NDUFAF2: variants seen among roughly 807,000 people sequenced by gnomAD.
The protein encoded by NDUFAF2 is NADH dehydrogenase [ubiquinone] 1 alpha subcomplex assembly factor 2.
A neutral mutation model predicts 22.8 loss-of-function variants in NDUFAF2; 13 were observed. That is an observed-to-expected ratio of 0.57 (90% CI 0.37 to 0.91). The LOEUF is 0.91. Ranked by LOEUF, NDUFAF2 falls within the 40% of genes least tolerant of loss-of-function variation. NDUFAF2 has a pLI of 0.01. For synonymous variants in NDUFAF2, 53 were observed against 64.2 expected, an observed-to-expected ratio of 0.83 and a Z score of 0.84; for missense variants, 162 against 195.2, an observed-to-expected ratio of 0.83 and a Z score of 1.01.
chr5:61,031,047 G>A (rs949224243), intron 1 of NDUFAF2, among the ~76,000 whole-genome samples: 2 of 151,876 alleles, frequency 1.3e-5, no homozygotes, highest in Non-Finnish European at 2.9e-5. Context: ...TTTAAACTTA[G>A]TTTTATATAG....
intron 2 of NDUFAF2, among the ~76,000 whole-genome samples, chr5:61,091,544 T>C (rs375259591): frequency 2.6e-5 from 4 of 152,324 alleles, no homozygotes; most frequent in African/African-American, 9.6e-5. Context: ...TAAATTTGTT[T>C]AAGTTTCTTA....
chr5:61,007,571 T>G (rs981391783), intron 1 of NDUFAF2, among the ~76,000 whole-genome samples: 2 of 152,162 alleles, frequency 1.3e-5, no homozygotes, highest in African/African-American at 4.8e-5. Flanking sequence ...TCACTGGCTA[T>G]CAGAGAAATG....
chr5:61,066,151 G>C (rs1414346826), intron 1 of NDUFAF2, among the ~76,000 whole-genome samples: 1 of 151,842 alleles, frequency 6.6e-6, no homozygotes, highest in Non-Finnish European at 1.5e-5. Flanking sequence ...ATTTAAGCAA[G>C]GAGATGAAAA....
chr5:61,051,063 G>C (rs1752018647), intron 1 of NDUFAF2, among the ~76,000 whole-genome samples: 1 of 152,208 alleles, frequency 6.6e-6, no homozygotes, highest in Admixed American at 6.5e-5. Flanking sequence ...ACGCAGAAAA[G>C]ATGACATATG....
At chr5:60,984,401 C>T (rs958151070) in intron 1 of NDUFAF2, among the ~76,000 whole-genome samples, 2 of 152,072 alleles carry the variant, frequency 1.3e-5, no homozygotes, top group Admixed American at 6.6e-5. Flanking sequence ...CCTTCTCCTG[C>T]CTGATTGCCC....
intron 1 of NDUFAF2, among the ~76,000 whole-genome samples, chr5:61,044,621 A>G (rs958765692): frequency 1.3e-5 from 2 of 152,204 alleles, no homozygotes; most frequent in Non-Finnish European, 2.9e-5. Context: ...TCTTTGTGGA[A>G]AAGCAGTTGA....
At chr5:61,040,866 A>G (rs1751872748) in intron 1 of NDUFAF2, among the ~76,000 whole-genome samples, 1 of 152,290 alleles carries the variant, frequency 6.6e-6, no homozygotes, top group East Asian at 1.9e-4. Flanking sequence ...AAGTAGGATA[A>G]CTGTTGTTAT....
At chr5:61,151,740 G>A (rs1413641028) in intron 3 of NDUFAF2, among the ~76,000 whole-genome samples, 1 of 149,926 alleles carries the variant, frequency 6.7e-6, no homozygotes, top group African/African-American at 2.5e-5. Context: ...GTTGCGGTAA[G>A]CCGAGATCAC....
intron 2 of NDUFAF2, among the ~76,000 whole-genome samples, chr5:61,085,498 A>C (rs1485412011): frequency 6.6e-6 from 1 of 152,186 alleles, no homozygotes; most frequent in African/African-American, 2.4e-5. Context: ...CAAGACAAGG[A>C]TATCTTCTTT....
intron 3 of NDUFAF2, among the ~76,000 whole-genome samples, chr5:61,148,053 G>A (rs918500864): frequency 2.0e-5 from 3 of 152,194 alleles, no homozygotes; most frequent in Non-Finnish European, 4.4e-5. Flanking sequence ...GAACACTCAA[G>A]TGGGTTACTA....
At chr5:61,035,888 A>T (rs1182145923) in intron 1 of NDUFAF2, among the ~76,000 whole-genome samples, 3 of 152,214 alleles carry the variant, frequency 2.0e-5, no homozygotes, top group Non-Finnish European at 2.9e-5. Context: ...ATAGCTAAAG[A>T]GAAGTTAAAA....
chr5:60,993,696 A>C (rs329618), intron 1 of NDUFAF2, among the ~76,000 whole-genome samples: 21,288 of 151,772 alleles, frequency 0.14, 1,910 homozygotes, highest in Admixed American at 0.22. Context: ...CCTGGAATGG[A>C]TAGCTCCTCT....
At chr5:61,148,087 G>A (rs1741168021) in intron 3 of NDUFAF2, among the ~76,000 whole-genome samples, 1 of 152,148 alleles carries the variant, frequency 6.6e-6, no homozygotes, top group Non-Finnish European at 1.5e-5. Context: ...AACTTACTCT[G>A]TGTATTCTGG....
At chr5:61,031,532 ATTCCATGGTATACTGCATAG>A (rs1404846863) in intron 1 of NDUFAF2, among the ~76,000 whole-genome samples, 2 of 151,922 alleles carry the variant, frequency 1.3e-5, no homozygotes, top group Non-Finnish European at 2.9e-5. Context: ...ACTGCATAGT[ATTCCATGGTATACTGCATAG>A]TATTCCATGG....
chr5:61,145,503 C>G (rs1469112582), intron 3 of NDUFAF2, among the ~76,000 whole-genome samples: 3 of 152,128 alleles, frequency 2.0e-5, no homozygotes, highest in African/African-American at 7.2e-5. Flanking sequence ...CTCCAAAATC[C>G]AAAACTTTTT....
intron 3 of NDUFAF2, among the ~76,000 whole-genome samples, chr5:61,134,719 T>TC (rs1016476132): frequency 1.1e-4 from 16 of 149,518 alleles, no homozygotes; most frequent in Admixed American, 2.7e-4. Flanking sequence ...AGAAATTAAT[T>TC]CCCCCCCCAA....
intron 1 of NDUFAF2, among the ~76,000 whole-genome samples, chr5:61,000,905 A>G (rs1339860856): frequency 6.6e-6 from 1 of 152,198 alleles, no homozygotes; most frequent in African/African-American, 2.4e-5. Flanking sequence ...GTATATGCCT[A>G]GAAACCATAG....
chr5:60,967,670 T>G (rs892053051), intron 1 of NDUFAF2, among the ~76,000 whole-genome samples: 1 of 151,888 alleles, frequency 6.6e-6, no homozygotes, highest in Non-Finnish European at 1.5e-5. Context: ...GGCAAACCAT[T>G]CTTGCTTTCC....
chr5:60,997,415 G>C (rs1187641803), intron 1 of NDUFAF2, among the ~76,000 whole-genome samples: 2 of 152,126 alleles, frequency 1.3e-5, no homozygotes, highest in Non-Finnish European at 2.9e-5. Context: ...CTAGAAGAAA[G>C]GAAAATGAGT....
Sources: allele counts gnomAD v4.1 joint callset (sites outside exome capture counted in the v4.1 genomes callset), GRCh38; gene constraint gnomAD v4.1.1; transcripts MANE v1.5; gene names NCBI Gene and HGNC (gene_info 2026-07-23, HGNC 2026-07-21).